The following SOD2 variants were observed in gnomAD, a reference collection of about 807,000 sequenced individuals.
The protein encoded by SOD2 is superoxide dismutase [Mn], mitochondrial.
SOD2 carries 11 observed loss-of-function variants against 27.0 expected under a neutral mutation model. The observed-to-expected ratio is 0.41, with a 90% CI of 0.26 to 0.67. The LOEUF (loss-of-function observed/expected upper bound fraction) is 0.67. SOD2 is among the 30% of genes least tolerant of loss of function. The pLI, the probability that SOD2 is intolerant of heterozygous loss-of-function variation, is 0.34. For missense variants in SOD2, 250 were observed against 274.5 expected (o/e 0.91, Z 0.63); for synonymous variants, 105 against 103.0 (o/e 1.02, Z -0.12).
At chr6:159,715,425 G>A (rs558801294) in intron 1 of SOD2, among the ~76,000 whole-genome samples, 1 of 152,140 alleles carries the variant, frequency 6.6e-6, no homozygotes, top group African/African-American at 2.4e-5. Context: ...CAGTCACATA[G>A]TTTTTGAATG....
upstream of SOD2, among the ~76,000 whole-genome samples, chr6:159,747,662 C>G (rs1455884859): frequency 6.6e-6 from 1 of 152,060 alleles, no homozygotes; most frequent in African/African-American, 2.4e-5. Context: ...AGAATAATTT[C>G]CACAGGTAAA....
At position 159,693,182 on chromosome 6, in the gene SOD2, T is replaced by C. The variant is rs1349077565; in HGVS notation, c.-15A>G. The stretch of plus-strand genomic sequence containing the variant: ...CGGCTCAACATGCTGCTAGTGCTGG[T>C]GCTACCGCTGATGCCGCCGATCTGC... On this transcript the variant is annotated 5_prime_UTR_variant, in exon 1 of 5. Coordinates refer to ENST00000538183, the MANE Select transcript of SOD2 (RefSeq NM_000636.4). 6.6e-7 allele frequency: 1 copy of C among 1,526,716 alleles called. No individual in the cohort carries two copies. Among genetic ancestry groups the C allele is most frequent in the Non-Finnish European group, 8.8e-7 (1 of 1,136,484 alleles). 94.6% of individuals were successfully genotyped at this position (1,526,716 alleles called of 1,614,324 possible).
intron 1 of SOD2, chr6:159,739,155 C>G: frequency 1.2e-6 from 1 of 854,904 alleles, no homozygotes. Flanking sequence ...GTTCTATCCT[C>G]AAATAATTTA....
chr6:159,740,984 G>A (rs1779224366), intron 1 of SOD2, among the ~76,000 whole-genome samples: 1 of 152,092 alleles, frequency 6.6e-6, no homozygotes, highest in African/African-American at 2.4e-5. Flanking sequence ...TTACAGGCAC[G>A]AGCCTTTTTG....
At chr6:159,726,586 G>A (rs1778179943) in intron 1 of SOD2, 1 of 356,968 alleles carries the variant, frequency 2.8e-6, no homozygotes, top group African/African-American at 2.1e-5. Context: ...CGGCGGTCCA[G>A]ATGGCAGTCT....
intron 1 of SOD2, chr6:159,755,767 T>TAA: frequency 2.9e-6 from 1 of 343,090 alleles, no homozygotes; most frequent in Non-Finnish European, 4.0e-6. Flanking sequence ...TTTCTTTTCT[T>TAA]TTTTTTTTTT....
chr6:159,745,316 G>A (rs914867250), upstream of SOD2: 6 of 152,138 alleles, frequency 3.9e-5, no homozygotes, highest in African/African-American at 1.4e-4. Flanking sequence ...TGTCCTATAT[G>A]CGCTGGCAGT....
chr6:159,726,603 A>G, intron 1 of SOD2: 1 of 379,206 alleles, frequency 2.6e-6, no homozygotes, highest in Non-Finnish European at 4.9e-6. Flanking sequence ...GTCTTACTTC[A>G]GGGAGTCTAC....
intron 2 of SOD2, chr6:159,692,315 T>G: frequency 1.1e-6 from 1 of 927,044 alleles, no homozygotes; most frequent in Non-Finnish European, 1.4e-6. Flanking sequence ...CAATTTCAAT[T>G]TGCAAAAAAA....
intron 1 of SOD2, among the ~76,000 whole-genome samples, chr6:159,751,545 C>T (rs912943072): frequency 6.6e-6 from 1 of 152,206 alleles, no homozygotes; most frequent in Non-Finnish European, 1.5e-5. Context: ...AGGCTAACGC[C>T]TGAGAGTGCT....
chr6:159,701,905 C>T (rs1777529063), intron 1 of SOD2, among the ~76,000 whole-genome samples: 1 of 152,154 alleles, frequency 6.6e-6, no homozygotes, highest in South Asian at 2.1e-4. Flanking sequence ...TCACCCACCC[C>T]GTCAGCCCAA....
intron 1 of SOD2, among the ~76,000 whole-genome samples, chr6:159,720,239 CAG>C (rs886735718): frequency 6.6e-6 from 1 of 152,064 alleles, no homozygotes; most frequent in African/African-American, 2.4e-5. Flanking sequence ...TTAGCAAAGA[CAG>C]AGTTTCACCA....
intron 1 of SOD2, chr6:159,753,704 G>A (rs973394550): frequency 1.4e-6 from 2 of 1,455,368 alleles, no homozygotes; most frequent in East Asian, 2.3e-5. Context: ...GTTAGATTCT[G>A]TACATTGTTA....
chr6:159,753,613 T>C, intron 1 of SOD2: 1 of 1,599,034 alleles, frequency 6.3e-7, no homozygotes, highest in South Asian at 1.1e-5. Flanking sequence ...GCAGTCAGGA[T>C]GGTAAGGGGT....
In SOD2 at chr6:159,735,331, G is replaced by A. The variant is rs545413388; in HGVS notation, c.-116+9799C>T. Among the ~76,000 whole-genome samples, 3 of 152,146 alleles carry A rather than the reference G, an allele frequency of 2.0e-5. No individual in the cohort carries two copies. The South Asian group carries it at 6.2e-4, about 31-fold the overall frequency. Reference sequence around the variant, plus strand: ...TTTTTTTAATTTTTTGGTAGAGACCGAGTTTCACCATGTTGGCCAGACTTG... The same window carrying A: ...TTTTTTTAATTTTTTGGTAGAGACCAAGTTTCACCATGTTGGCCAGACTTG... On this transcript the variant is annotated intron_variant, in intron 1 of 3. Coordinates refer to the SOD2 transcript ENST00000537657.
At chr6:159,727,765 C>G (rs965154088), upstream of SOD2, 10 of 970,356 alleles carry the variant, frequency 1.0e-5, no homozygotes, top group Non-Finnish European at 1.2e-5. Flanking sequence ...AGGGCTGATG[C>G]GCAGCCGCCC....
chr6:159,737,257 C>G (rs1778977433), intron 1 of SOD2, among the ~76,000 whole-genome samples: 1 of 152,140 alleles, frequency 6.6e-6, no homozygotes, highest in Non-Finnish European at 1.5e-5. Context: ...CCATGTTGCC[C>G]AGGCTGGTCT....
At chr6:159,701,315 T>A (rs547980466) in intron 1 of SOD2, among the ~76,000 whole-genome samples, 4 of 152,336 alleles carry the variant, frequency 2.6e-5, no homozygotes, top group African/African-American at 9.6e-5. Context: ...GTTTTGCTTC[T>A]CACATGGGAG....
chr6:159,687,554 G>A (rs1378343940), intron 3 of SOD2, among the ~76,000 whole-genome samples: 1 of 152,038 alleles, frequency 6.6e-6, no homozygotes, highest in Non-Finnish European at 1.5e-5. Context: ...GAAACCAGAA[G>A]GTGGAGTTGA....
Sources: gnomAD v4.1 joint callset for allele counts (sites outside exome capture counted in the v4.1 genomes callset) on GRCh38, gnomAD v4.1.1 for gene constraint, MANE v1.5 for transcripts, NCBI Gene and HGNC (gene_info 2026-07-23, HGNC 2026-07-21) for gene names.